The following LRP6 variants were observed in gnomAD, a reference collection of about 807,000 sequenced individuals.
The protein encoded by LRP6 is low-density lipoprotein receptor-related protein 6.
A neutral mutation model predicts 184.1 loss-of-function variants in LRP6; 43 were observed. The observed-to-expected ratio is 0.23, with a 90% confidence interval of 0.18 to 0.30. The LOEUF (loss-of-function observed/expected upper bound fraction) is 0.30, where lower values mean the gene tolerates loss of function less well. LRP6 is among the 10% of genes least tolerant of loss of function. LRP6 has a pLI of 1.00. For missense variants in LRP6, 1,571 were observed against 2,005.3 expected (o/e 0.78, Z 4.14); for synonymous variants, 719 against 684.9 (o/e 1.05, Z -0.78).
In LRP6 at chr12:12,155,193, C is replaced by T. The variant is rs897947473; in HGVS notation, c.2791+3636G>A. The T allele has an allele frequency of 1.8e-5, 10 of 557,014 alleles. No individual in the cohort carries two copies. In the African/African-American group the frequency reaches 1.9e-4, roughly 10 times the overall value. The allele number at this position is 557,014 out of a possible 1,614,324, so 34.5% of individuals were successfully genotyped here. On this transcript the variant is annotated intron_variant, in intron 12 of 22. Transcript: ENST00000261349. ...CCTGGGTGACAGTGTGAGACTCTGT[C>T]TCAAACAAACAAACAAACAAACAAA...
intron 2 of LRP6, among the ~76,000 whole-genome samples, chr12:12,221,799 A>G (rs1329967190): frequency 1.3e-5 from 2 of 152,226 alleles, no homozygotes; most frequent in Non-Finnish European, 2.9e-5. Flanking sequence ...CTAATCATTA[A>G]GCCCCAGTTG....
At chr12:12,251,622 C>T (rs1318956482) in intron 1 of LRP6, among the ~76,000 whole-genome samples, 1 of 152,058 alleles carries the variant, frequency 6.6e-6, no homozygotes, top group Non-Finnish European at 1.5e-5. Flanking sequence ...CCCACCTCGA[C>T]CTCCCAAAGT....
intron 15 of LRP6, among the ~76,000 whole-genome samples, chr12:12,142,156 G>A (rs1365385107): frequency 6.6e-6 from 1 of 152,138 alleles, no homozygotes; most frequent in Non-Finnish European, 1.5e-5. Flanking sequence ...AGAGCAGTAG[G>A]CTTGTTTTTT....
At chr12:12,188,932 C>A (rs7970673) in intron 3 of LRP6, among the ~76,000 whole-genome samples, 6,811 of 151,912 alleles carry the variant, frequency 0.045, 510 homozygotes, top group African/African-American at 0.16. Flanking sequence ...CCAAAAAAGA[C>A]AAGTAACACA....
chr12:12,223,023 A>AAC (rs1864531112), intron 2 of LRP6, among the ~76,000 whole-genome samples: 2 of 152,154 alleles, frequency 1.3e-5, no homozygotes, highest in Non-Finnish European at 2.9e-5. Flanking sequence ...GACACAGTCC[A>AAC]ACACCAAAAT....
intron 2 of LRP6, 26 bp from the exon 3 acceptor site, chr12:12,203,426 C>T (rs1288213213): frequency 2.6e-6 from 4 of 1,551,524 alleles, no homozygotes; most frequent in African/African-American, 2.7e-5. Context: ...ATAATTAAAG[C>T]CATGACAGAG....
rs758438610 is a variant in LRP6 at position 12,165,062 on chromosome 12, G to A, written c.1762+17C>T. 8.2e-6 allele frequency: 13 copies of A among 1,583,140 alleles called. No homozygotes were observed. The Admixed American group carries it at 2.2e-4, about 27-fold the overall frequency. On this transcript the variant is annotated intron_variant, in intron 8 of 22. Transcript: ENST00000261349. ...ATTCCTGGTTCCCATTTCTAAGAAA[G>A]CTTTGGAGTTACTCACCAATCACTC...
At chr12:12,250,607 T>C (rs368541556) in intron 1 of LRP6, among the ~76,000 whole-genome samples, 13 of 152,222 alleles carry the variant, frequency 8.5e-5, no homozygotes, top group Non-Finnish European at 1.6e-4. Context: ...AAATATCATA[T>C]ACATATTTAC....
chr12:12,205,223 A>T (rs997164185), intron 2 of LRP6, among the ~76,000 whole-genome samples: 23 of 151,188 alleles, frequency 1.5e-4, no homozygotes, highest in African/African-American at 5.1e-4. Flanking sequence ...AGGCTGAGGC[A>T]AGAGAATCGC....
intron 2 of LRP6, among the ~76,000 whole-genome samples, chr12:12,204,297 A>AG (rs1863992093): frequency 1.4e-5 from 2 of 145,388 alleles, no homozygotes; most frequent in South Asian, 2.2e-4. Context: ...AAAAAAAAAA[A>AG]AGGAGGGGGG....
chr12:12,175,492 C>T (rs1479349241), intron 7 of LRP6, among the ~76,000 whole-genome samples: 1 of 151,922 alleles, frequency 6.6e-6, no homozygotes, highest in African/African-American at 2.4e-5. Context: ...TCGAGACCAG[C>T]CTGGCTAACA....
At chr12:12,187,167 T>C in intron 3 of LRP6, 48 bp from the exon 4 acceptor site, 1 of 1,525,080 alleles carries the variant, frequency 6.6e-7, no homozygotes, top group Non-Finnish European at 9.0e-7. Context: ...AATTTTCTTC[T>C]TCTATCATAA....
chr12:12,187,434 T>G, intron 3 of LRP6: 1 of 385,398 alleles, frequency 2.6e-6, no homozygotes, highest in Non-Finnish European at 4.9e-6. Flanking sequence ...CAAATCCTAC[T>G]CTTCAACTAC....
intron 2 of LRP6, among the ~76,000 whole-genome samples, chr12:12,222,336 C>T (rs1019531948): frequency 3.3e-5 from 5 of 151,864 alleles, no homozygotes; most frequent in East Asian, 1.9e-4. Context: ...GAGGTCGAGG[C>T]GGGCGGATCA....
Position 12,120,032 on chromosome 12 carries a change from TATATATATATAA to T in LRP6, c.*1082_*1093del, listed in dbSNP as rs1949582474. Reference sequence around the variant, plus strand: ...ATATATATATATATATATATATATATATATATATATAAATGATTTCGTACTGTGATATATGCT... The same window carrying T: ...ATATATATATATATATATATATATATATGATTTCGTACTGTGATATATGCT... On this transcript the variant is annotated 3_prime_UTR_variant, in exon 23 of 23. Coordinates refer to ENST00000261349, the MANE Select transcript of LRP6 (RefSeq NM_002336.3). 8.6e-6 allele frequency: 1 copy of T among 116,618 alleles called. No homozygotes were observed. The highest frequency in any genetic ancestry group is 3.2e-5 in the African/African-American group (1 of 31,302). 7.2% of individuals were successfully genotyped at this position (116,618 alleles called of 1,614,324 possible).
intron 15 of LRP6, among the ~76,000 whole-genome samples, chr12:12,140,752 C>T (rs1416482074): frequency 2.0e-5 from 3 of 151,958 alleles, no homozygotes; most frequent in Non-Finnish European, 4.4e-5. Context: ...TACTCGCACC[C>T]GTCACCATGC....
chr12:12,191,676 TA>T (rs1453838523), intron 3 of LRP6, among the ~76,000 whole-genome samples: 1 of 152,012 alleles, frequency 6.6e-6, no homozygotes, highest in Non-Finnish European at 1.5e-5. Context: ...TCAAAGTATT[TA>T]AAGTAAGATA....
Position 12,147,453 on chromosome 12 carries a change from G to C in LRP6, c.3310C>G (p.Pro1104Ala). Residue 1104 changes from proline (P) to alanine (A), a missense_variant, in exon 15 of 23, where the codon CCA (proline) becomes GCA (alanine). Physicochemically the swap from Pro to Ala is conservative, Grantham distance 27. Transcript: ENST00000261349. ...CTGCTATCAAGGGCTAAAGCAATTG[G>C]TTTACTTAAGCCACTGAAAAAGAGG... ...EVLFFSGLSK[P>A]IALALDSRLG... 1 of 1,614,048 alleles carries C rather than the reference G, an allele frequency of 6.2e-7. No individual in the cohort carries two copies. The highest frequency in any genetic ancestry group is 1.1e-5 in the South Asian group (1 of 91,080).
At chr12:12,260,271 G>C (rs994765737) in intron 1 of LRP6, among the ~76,000 whole-genome samples, 6 of 151,830 alleles carry the variant, frequency 4.0e-5, no homozygotes, top group Non-Finnish European at 8.8e-5. Context: ...CCAGCTACTC[G>C]GGAGGCTGAG....
Sources: gnomAD v4.1 joint callset for allele counts (sites outside exome capture counted in the v4.1 genomes callset) on GRCh38, gnomAD v4.1.1 for gene constraint, MANE v1.5 for transcripts, NCBI Gene and HGNC (gene_info 2026-07-23, HGNC 2026-07-21) for gene names.